The following KIAA0825 variants were observed in gnomAD, a reference collection of about 807,000 sequenced individuals.
KIAA0825 encodes uncharacterized protein KIAA0825.
A neutral mutation model predicts 147.6 loss-of-function variants in KIAA0825; 119 were observed. The observed-to-expected ratio is 0.81, with a 90% CI of 0.69 to 0.94. The LOEUF (loss-of-function observed/expected upper bound fraction) is 0.94, where lower values mean the gene tolerates loss of function less well. Among genes scored for constraint, KIAA0825 ranks in the 40% least tolerant of loss-of-function variants. KIAA0825 has a pLI of 0.00. For synonymous variants in KIAA0825, 470 were observed against 518.1 expected (o/e 0.91, Z 1.26); for missense variants, 1,381 against 1,472.7 (o/e 0.94, Z 1.02).
chr5:94,273,502 A>T (rs1286607778), intron 20 of KIAA0825, among the ~76,000 whole-genome samples: 2 of 152,170 alleles, frequency 1.3e-5, no homozygotes, highest in Non-Finnish European at 2.9e-5. Context: ...CCCGTCACCC[A>T]GACAGTGAGC....
intron 12 of KIAA0825, among the ~76,000 whole-genome samples, chr5:94,461,091 G>C (rs765925235): frequency 6.6e-6 from 1 of 151,880 alleles, no homozygotes; most frequent in Non-Finnish European, 1.5e-5. Flanking sequence ...TACTTGCATA[G>C]TTGTTAAAAA....
chr5:94,600,168 G>C (rs950246860), intron 1 of KIAA0825, among the ~76,000 whole-genome samples: 2 of 152,010 alleles, frequency 1.3e-5, no homozygotes, highest in Admixed American at 1.3e-4. Context: ...GATTAATTTG[G>C]GGAAGTATTG....
Position 94,152,858 on chromosome 5 carries a change from AT to A in KIAA0825, c.*1148del, listed in dbSNP as rs56294349. ...AAAAAAAAAAAAAAAAAAAAAAATT[AT>A]ATATATATATATATATATATATATA... On this transcript the variant is annotated 3_prime_UTR_variant, in exon 21 of 21. Transcript: ENST00000682413. 4.5e-3 allele frequency: 13 copies of A among 2,878 alleles called. No homozygotes were observed. Among genetic ancestry groups the A allele is most frequent in the East Asian group, 0.01 (2 of 192 alleles). The allele number at this position is 2,878 out of a possible 1,614,324, so 0.2% of individuals were successfully genotyped here.
chr5:94,346,458 T>G (rs1404636200), intron 20 of KIAA0825, among the ~76,000 whole-genome samples: 1 of 152,126 alleles, frequency 6.6e-6, no homozygotes, highest in Non-Finnish European at 1.5e-5. Flanking sequence ...GGAAGCAGAC[T>G]GCTCCTGCAG....
In KIAA0825 at chr5:94,511,610, G is replaced by A. The variant is rs147409554; in HGVS notation, c.970+8638C>T. On this transcript the variant is annotated intron_variant, in intron 5 of 20. Transcript: ENST00000682413. ...ACACTCCAGCCCAGGCAACAAGAGC[G>A]AGACTCTGTCTCAAAGAAAAAACAA... Among the ~76,000 whole-genome samples the A allele has an allele frequency of 5.1e-3, 768 of 151,354 alleles. 30 individuals are homozygous for A. The highest frequency in any genetic ancestry group is 0.046 in the Admixed American group (705 of 15,228).
chr5:94,243,478 T>C (rs1240234356), intron 20 of KIAA0825, among the ~76,000 whole-genome samples: 1 of 152,182 alleles, frequency 6.6e-6, no homozygotes, highest in Non-Finnish European at 1.5e-5. Flanking sequence ...GTTGTTAAGA[T>C]TAACTGAAAG....
intron 3 of KIAA0825, among the ~76,000 whole-genome samples, chr5:94,529,271 G>GTATCATATATAT (rs1561268093): frequency 7.8e-6 from 1 of 128,496 alleles, no homozygotes; most frequent in African/African-American, 3.3e-5. Context: ...TCATATATAT[G>GTATCATATATAT]TATGTATCAT....
At chr5:94,341,614 A>T (rs1474210999) in intron 20 of KIAA0825, among the ~76,000 whole-genome samples, 1 of 152,218 alleles carries the variant, frequency 6.6e-6, no homozygotes, top group Admixed American at 6.5e-5. Flanking sequence ...TAGCATTTTC[A>T]TGCAGCTCTC....
intron 20 of KIAA0825, among the ~76,000 whole-genome samples, chr5:94,334,069 A>G (rs1584151424): frequency 2.0e-5 from 3 of 150,398 alleles, no homozygotes; most frequent in South Asian, 4.1e-4. Flanking sequence ...TCAAGCTACC[A>G]TTGACTTTCT....
In KIAA0825 at chr5:94,435,756, T is replaced by C. The variant is rs139749512; in HGVS notation, c.2497+4226A>G. 2.2e-4 allele frequency among the ~76,000 whole-genome samples: 33 copies of C among 152,284 alleles called. 1 individual carries two copies. In the East Asian group the frequency reaches 6.4e-3, roughly 29 times the overall value. On this transcript the variant is annotated intron_variant, in intron 14 of 20. Transcript: ENST00000682413. ...TTCCACCAACAGGGAAAATTGCTCC[T>C]TTTTCTCCACAACCTTTCCAGCATC...
chr5:94,509,399 A>G (rs1429748469), intron 5 of KIAA0825, among the ~76,000 whole-genome samples: 1 of 152,218 alleles, frequency 6.6e-6, no homozygotes, highest in Non-Finnish European at 1.5e-5. Context: ...TTATGGTCAT[A>G]AATGTAAAGA....
chr5:94,518,082 T>C (rs1415010184), intron 5 of KIAA0825, among the ~76,000 whole-genome samples: 1 of 152,188 alleles, frequency 6.6e-6, no homozygotes, highest in Non-Finnish European at 1.5e-5. Flanking sequence ...TTAAGGATTG[T>C]CCTTTCTATA....
Position 94,496,740 on chromosome 5 carries a change from G to C in KIAA0825, c.971-11810C>G, listed in dbSNP as rs568536704. On this transcript the variant is annotated intron_variant, in intron 5 of 20. Coordinates refer to ENST00000682413, the MANE Select transcript of KIAA0825 (RefSeq NM_001145678.3). Reference sequence around the variant, plus strand: ...TGATGAACATCTGAGTCTCCAGCCTGTCCCGTGGAACATGGGCCAGACTGT... The same window carrying C: ...TGATGAACATCTGAGTCTCCAGCCTCTCCCGTGGAACATGGGCCAGACTGT... 7.2e-5 allele frequency among the ~76,000 whole-genome samples: 11 copies of C among 152,344 alleles called. No individual in the cohort carries two copies. In the South Asian group the frequency reaches 2.1e-3, roughly 29 times the overall value.
intron 4 of KIAA0825, 95 bp downstream of exon 4, chr5:94,523,835 T>C (rs1768719954): frequency 3.8e-6 from 3 of 788,224 alleles, no homozygotes; most frequent in East Asian, 5.7e-5. Flanking sequence ...CAGGCTAATA[T>C]GGTCACTCAA....
chr5:94,440,810 C>A (rs1756984128), intron 13 of KIAA0825, among the ~76,000 whole-genome samples: 1 of 151,988 alleles, frequency 6.6e-6, no homozygotes, highest in Non-Finnish European at 1.5e-5. Flanking sequence ...AATGAATCAG[C>A]AGGAGAGCAA....
At position 94,440,028 on chromosome 5, in the gene KIAA0825, T is replaced by C. The variant is rs1232546189; in HGVS notation, c.2451A>G (p.Leu817=). 3 of 1,551,752 alleles carry C rather than the reference T, an allele frequency of 1.9e-6. No individual in the cohort carries two copies. Among genetic ancestry groups the C allele is most frequent in the South Asian group, 1.2e-5 (1 of 84,050 alleles). Residue 817 remains leucine, a synonymous_variant, in exon 14 of 21, where the codon CTA becomes CTG. Transcript: ENST00000682413. ...RCNWNLLLET[L]LHHDGLLLRI... ...TCAGTAAAAGTCCATCATGATGCAG[T>C]AGGGTTTCCAGAAGCAAGTTCCAGT...
chr5:94,592,954 C>T (rs1784610802), intron 1 of KIAA0825: 1 of 565,946 alleles, frequency 1.8e-6, no homozygotes, highest in Non-Finnish European at 3.3e-6. Flanking sequence ...CAAAATCATA[C>T]TTTCAGAAAA....
chr5:94,346,701 G>T (rs946754518), intron 20 of KIAA0825, among the ~76,000 whole-genome samples: 8 of 152,190 alleles, frequency 5.3e-5, no homozygotes, highest in Non-Finnish European at 1.0e-4. Context: ...GGCCATTCCT[G>T]CCTGGCACCA....
At chr5:94,371,847 C>T (rs1746761351) in intron 20 of KIAA0825, among the ~76,000 whole-genome samples, 1 of 152,116 alleles carries the variant, frequency 6.6e-6, no homozygotes, top group Non-Finnish European at 1.5e-5. Flanking sequence ...CCCAAAAGTC[C>T]AAGTCCAAAG....
Sources: gnomAD v4.1 joint callset for allele counts (sites outside exome capture counted in the v4.1 genomes callset) on GRCh38, gnomAD v4.1.1 for gene constraint, MANE v1.5 for transcripts, NCBI Gene and HGNC (gene_info 2026-07-23, HGNC 2026-07-21) for gene names.